Variants in PIGF observed in about 807,000 individuals in gnomAD.
PIGF encodes the protein GPI ethanolamine phosphate transferase, stabilizing subunit.
Under a neutral mutation model 26.0 loss-of-function variants are expected in PIGF, and 23 were observed. That is an observed-to-expected ratio of 0.88 (90% CI 0.64 to 1.25). The LOEUF is 1.25. Ranked by LOEUF, PIGF falls within the 50% of genes most tolerant of loss-of-function variation. PIGF has a pLI of 0.00. For synonymous variants in PIGF, 93 were observed against 92.6 expected (o/e 1.00, Z -0.03); for missense variants, 278 against 249.9 (o/e 1.11, Z -0.76).
intron 4 of PIGF, among the ~76,000 whole-genome samples, chr2:46,606,897 C>G (rs35350086): frequency 0.23 from 35,139 of 152,090 alleles, 4,865 homozygotes; most frequent in Admixed American, 0.32. Flanking sequence ...TGATATATAT[C>G]CATACAATGG....
chr2:46,607,554 A>G (rs1161148540), intron 4 of PIGF, among the ~76,000 whole-genome samples: 1 of 152,216 alleles, frequency 6.6e-6, no homozygotes, highest in Non-Finnish European at 1.5e-5. Flanking sequence ...CACATGATTT[A>G]AAAATACTTT....
rs1669960339 is a variant in PIGF at position 46,598,549 on chromosome 2, T to TTTTTTTTTTTTTTTTTG, written c.438-5967_438-5966insCAAAAAAAAAAAAAAAA. 1.3e-5 allele frequency among the ~76,000 whole-genome samples: 2 copies of TTTTTTTTTTTTTTTTTG among 148,496 alleles called. 1 individual carries two copies. Among genetic ancestry groups the TTTTTTTTTTTTTTTTTG allele is most frequent in the African/African-American group, 5.1e-5 (2 of 39,176 alleles). ...ATGAGATTTTTTTTTTTTTTTTTTT[T>TTTTTTTTTTTTTTTTTG]TTTTAGCTCATCAGCTATCGTGAGT... On this transcript the variant is annotated intron_variant, in intron 4 of 5. Transcript: ENST00000281382.
chr2:46,605,163 TAAG>T (rs1670179820), intron 4 of PIGF, among the ~76,000 whole-genome samples: 1 of 152,102 alleles, frequency 6.6e-6, no homozygotes, highest in African/African-American at 2.4e-5. Flanking sequence ...AGTGAACATT[TAAG>T]AAGGCAAACT....
intron 5 of PIGF, chr2:46,587,941 G>C: frequency 1.6e-6 from 1 of 621,226 alleles, no homozygotes; most frequent in Non-Finnish European, 2.4e-6. Flanking sequence ...GCAATGAAAA[G>C]AATCATGGTG....
intron 4 of PIGF, among the ~76,000 whole-genome samples, chr2:46,609,671 G>A (rs1231339739): frequency 6.6e-6 from 1 of 151,786 alleles, no homozygotes; most frequent in Non-Finnish European, 1.5e-5. Context: ...TGATATTTTT[G>A]TATCTCAGGG....
chr2:46,613,787 T>A lies in PIGF; in HGVS notation c.229-2A>T. On this transcript the variant is annotated splice_acceptor_variant, in intron 2 of 5. Coordinates refer to ENST00000281382, the MANE Select transcript of PIGF (RefSeq NM_002643.4). LOFTEE classifies it high-confidence loss of function. The stretch of plus-strand genomic sequence containing the variant: ...ACAGCATTTCAAAAATCCAGTTACC[T>A]AAAAGAGAAATGAATAACCTGAAGA... The A allele has an allele frequency of 6.5e-7, 1 of 1,534,046 alleles. No individual in the cohort carries two copies. Among genetic ancestry groups the A allele is most frequent in the Non-Finnish European group, 8.9e-7 (1 of 1,124,582 alleles).
Position 46,581,435 on chromosome 2 carries a change from C to T in PIGF, c.*43G>A, listed in dbSNP as rs764468225. The T allele has an allele frequency of 6.3e-7, 1 of 1,592,422 alleles. No homozygotes were observed. Among genetic ancestry groups the T allele is most frequent in the Non-Finnish European group, 8.6e-7 (1 of 1,169,408 alleles). ...TTTGACCATACACATTTCTGCCCAG[C>T]CCTTACAGAATCTGCACAAAGAAAT... On this transcript the variant is annotated 3_prime_UTR_variant, in exon 6 of 6. Transcript: ENST00000281382.
intron 3 of PIGF, among the ~76,000 whole-genome samples, chr2:46,612,716 G>A (rs1255725423): frequency 6.6e-6 from 1 of 152,064 alleles, no homozygotes; most frequent in Non-Finnish European, 1.5e-5. Flanking sequence ...AACCACTATT[G>A]AACCACTATT....
chr2:46,605,189 G>A (rs575179984), intron 4 of PIGF, among the ~76,000 whole-genome samples: 29 of 152,050 alleles, frequency 1.9e-4, no homozygotes, highest in Non-Finnish European at 8.8e-5. Flanking sequence ...AATGTTCAAC[G>A]AGTTAATCTA....
At chr2:46,614,689 A>G (rs936449161) in intron 2 of PIGF, 2 of 340,854 alleles carry the variant, frequency 5.9e-6, no homozygotes, top group Non-Finnish European at 1.1e-5. Context: ...AACAATGACT[A>G]TATAGGCTCA....
At chr2:46,611,461 C>T (rs182292294) in intron 4 of PIGF, among the ~76,000 whole-genome samples, 2,173 of 148,360 alleles carry the variant, frequency 0.015, 29 homozygotes, top group Non-Finnish European at 0.022. Context: ...TCCAGCCTGG[C>T]GACAGAGCGA....
intron 4 of PIGF, among the ~76,000 whole-genome samples, chr2:46,607,137 T>TTA (rs1670248817): frequency 6.6e-6 from 1 of 152,182 alleles, no homozygotes; most frequent in African/African-American, 2.4e-5. Context: ...GGTGTGTGAA[T>TTA]TATATCTCAA....
In PIGF at chr2:46,591,959, A is replaced by G. The variant is rs550838372; in HGVS notation, c.546+516T>C. Reference sequence around the variant, plus strand: ...TTCAAGAGGAACATTCAATTTGGCCATCAATCAAGTTCAGAAAATATGAAT... The same window carrying G: ...TTCAAGAGGAACATTCAATTTGGCCGTCAATCAAGTTCAGAAAATATGAAT... On this transcript the variant is annotated intron_variant, in intron 5 of 5. Transcript: ENST00000281382. 36 of 1,303,086 alleles carry G rather than the reference A, an allele frequency of 2.8e-5. No individual in the cohort carries two copies. The East Asian group carries it at 1.8e-3, about 64-fold the overall frequency. The allele number at this position is 1,303,086 out of a possible 1,614,324, so 80.7% of individuals were successfully genotyped here.
chr2:46,603,601 C>T (rs780624076), intron 4 of PIGF, among the ~76,000 whole-genome samples: 14 of 151,788 alleles, frequency 9.2e-5, no homozygotes, highest in Non-Finnish European at 1.9e-4. Flanking sequence ...GAACATACAC[C>T]GGGGAAAGAG....
intron 1 of PIGF, 31 bp downstream of exon 1, chr2:46,616,939 C>T (rs1355490035): frequency 5.1e-5 from 16 of 311,172 alleles, no homozygotes; most frequent in Non-Finnish European, 7.5e-5. Context: ...CCTCGTGAGG[C>T]GAGACGCCGA....
intron 4 of PIGF, among the ~76,000 whole-genome samples, chr2:46,596,485 T>C (rs116692721): frequency 0.016 from 2,373 of 152,238 alleles, 72 homozygotes; most frequent in African/African-American, 0.054. Context: ...TAGCTTGTTT[T>C]TAAAGTAAAA....
Position 46,611,680 on chromosome 2 carries a change from G to A in PIGF, c.437+548C>T, listed in dbSNP as rs572547531. Among the ~76,000 whole-genome samples the A allele has an allele frequency of 8.5e-5, 13 of 152,250 alleles. No homozygotes were observed. In the Middle Eastern group the frequency reaches 0.01, roughly 120 times the overall value. On this transcript the variant is annotated intron_variant, in intron 4 of 5. Coordinates refer to ENST00000281382, the MANE Select transcript of PIGF (RefSeq NM_002643.4). ...TGCATATCATTTAAATGACTTTCAA[G>A]AAGCTAAAATTTTAACTTAGCCATG...
chr2:46,614,894 A>T lies in PIGF; in HGVS notation c.228+43T>A. The T allele has an allele frequency of 3.3e-6, 3 of 899,422 alleles. No homozygotes were observed. The South Asian group carries it at 4.3e-5, about 13-fold the overall frequency. The allele number at this position is 899,422 out of a possible 1,614,324, so 55.7% of individuals were successfully genotyped here. A position where few individuals can be genotyped will look rare whatever the true frequency, so the allele number is the denominator to read the frequency against. On this transcript the variant is annotated intron_variant, in intron 2 of 5. Coordinates refer to ENST00000281382, the MANE Select transcript of PIGF (RefSeq NM_002643.4). ...ACTTTATTCTTCCATTAAAAGAAAC[A>T]CTAGCTCCATCCAAAAATCAGTTAT...
Position 46,592,510 on chromosome 2 carries a change from G to A in PIGF, c.511C>T (p.Leu171Phe), listed in dbSNP as rs770273168. ...SSFVGAWLGA[L>F]PIPLDWERPW... ...CTTTCCCAATCCAGTGGAATAGGAA[G>A]TGCTCCAAGCCATGCTCCTACAAAG... The change falls in exon 5 of 6, where the codon CTT (leucine) becomes TTT (phenylalanine). Residue 171 changes from leucine to phenylalanine, a missense_variant. Transcript: ENST00000281382. The A allele has an allele frequency of 1.2e-6, 2 of 1,608,120 alleles. No homozygotes were observed. The highest frequency in any genetic ancestry group is 2.2e-5 in the South Asian group (2 of 90,938).
Sources: gnomAD v4.1 joint callset for allele counts (sites outside exome capture counted in the v4.1 genomes callset) on GRCh38, gnomAD v4.1.1 for gene constraint, MANE v1.5 for transcripts, NCBI Gene and HGNC (gene_info 2026-07-23, HGNC 2026-07-21) for gene names.